The following PPIL6 variants were observed in gnomAD, a reference collection of about 807,000 sequenced individuals.
PPIL6 encodes the protein peptidylprolyl isomerase like 6.
PPIL6 carries 39 observed loss-of-function variants against 36.8 expected under a neutral mutation model. That is an observed-to-expected ratio of 1.06 (90% confidence interval 0.82 to 1.38). The LOEUF is 1.38. Among genes scored for constraint, PPIL6 ranks in the 40% most tolerant of loss-of-function variants. The pLI is 0.00. For missense variants in PPIL6, 368 were observed against 379.1 expected (o/e 0.97, Z 0.24); for synonymous variants, 123 against 134.1 (o/e 0.92, Z 0.57).
At chr6:109,421,866 C>T (rs773127306) in intron 5 of PPIL6, among the ~76,000 whole-genome samples, 1 of 151,938 alleles carries the variant, frequency 6.6e-6, no homozygotes, top group African/African-American at 2.4e-5. Context: ...TAGTGAGACT[C>T]TGTCTCTACA....
chr6:109,405,102 A>C (rs962654033), intron 6 of PPIL6: 22 of 372,002 alleles, frequency 5.9e-5, no homozygotes, highest in Admixed American at 1.6e-4. Context: ...CATTTTATTC[A>C]AATATAGACA....
intron 6 of PPIL6, among the ~76,000 whole-genome samples, chr6:109,415,236 A>G (rs1013938843): frequency 1.3e-5 from 2 of 152,242 alleles, no homozygotes; most frequent in Non-Finnish European, 2.9e-5. Context: ...GTTTCCATAC[A>G]GTATCAATCC....
intron 6 of PPIL6, among the ~76,000 whole-genome samples, chr6:109,408,496 C>T (rs984917717): frequency 5.9e-5 from 9 of 152,034 alleles, no homozygotes; most frequent in East Asian, 1.9e-4. Flanking sequence ...TTTTTACTTA[C>T]GGTATAAACA....
chr6:109,395,836 T>C (rs1772280465), intron 7 of PPIL6, among the ~76,000 whole-genome samples: 1 of 147,474 alleles, frequency 6.8e-6, no homozygotes, highest in African/African-American at 2.5e-5. Context: ...GATCTCTTTT[T>C]TTTTTTTTTT....
intron 5 of PPIL6, 66 bp from the exon 6 acceptor site, chr6:109,419,309 A>T: frequency 8.8e-7 from 1 of 1,134,808 alleles, no homozygotes; most frequent in Non-Finnish European, 1.3e-6. Context: ...CAATAATGAC[A>T]GGGAAAAAAT....
intron 6 of PPIL6, among the ~76,000 whole-genome samples, chr6:109,411,501 G>C (rs1773009981): frequency 1.3e-5 from 2 of 152,164 alleles, no homozygotes; most frequent in African/African-American, 4.8e-5. Context: ...ACATTCAAAA[G>C]ATCTATGAAC....
chr6:109,422,012 G>A (rs1195706772), intron 5 of PPIL6, among the ~76,000 whole-genome samples: 1 of 152,158 alleles, frequency 6.6e-6, no homozygotes, highest in Non-Finnish European at 1.5e-5. Context: ...GAGCAGCTGG[G>A]ACTATAGGCG....
At chr6:109,405,350 TA>T (rs1004680874) in intron 6 of PPIL6, among the ~76,000 whole-genome samples, 3 of 152,066 alleles carry the variant, frequency 2.0e-5, no homozygotes, top group African/African-American at 4.8e-5. Flanking sequence ...CTTTCCCATT[TA>T]AAAAAAATTG....
chr6:109,423,628 A>T (rs555657608), intron 5 of PPIL6, among the ~76,000 whole-genome samples: 19 of 151,406 alleles, frequency 1.3e-4, no homozygotes, highest in African/African-American at 3.1e-4. Context: ...CACCCATTTT[A>T]TATATATATA....
intron 6 of PPIL6, among the ~76,000 whole-genome samples, chr6:109,414,477 CTTTTTTTT>C (rs146541023): frequency 2.3e-5 from 2 of 86,510 alleles, no homozygotes; most frequent in Non-Finnish European, 4.0e-5. Context: ...TGTCTTTTAG[CTTTTTTTT>C]TTTTTTTTTT....
At chr6:109,440,690 C>G (rs1476476090), upstream of PPIL6, 49 of 858,786 alleles carry the variant, frequency 5.7e-5, no homozygotes, top group Non-Finnish European at 6.1e-5. Flanking sequence ...GGCCCAGGGG[C>G]GGGTCGAGGG....
chr6:109,421,863 ACT>A (rs1178541206), intron 5 of PPIL6, among the ~76,000 whole-genome samples: 1 of 151,588 alleles, frequency 6.6e-6, no homozygotes, highest in Non-Finnish European at 1.5e-5. Context: ...ATATAGTGAG[ACT>A]CTGTCTCTAC....
At chr6:109,397,374 G>A (rs1435037612) in intron 7 of PPIL6, among the ~76,000 whole-genome samples, 2 of 152,020 alleles carry the variant, frequency 1.3e-5, no homozygotes, top group Admixed American at 6.6e-5. Context: ...CTCTGTGTTC[G>A]CTTTGGTGAA....
upstream of PPIL6, chr6:109,440,668 C>T (rs1305461127): frequency 4.6e-6 from 5 of 1,092,704 alleles, no homozygotes; most frequent in South Asian, 4.6e-5. Flanking sequence ...CTCCGCCGCT[C>T]GCAGGAGGCG....
rs751917867 is a variant in PPIL6, at chr6:109,436,116, C to T, written c.219G>A (p.Gln73=). The T allele has an allele frequency of 1.3e-6, 2 of 1,557,318 alleles. No homozygotes were observed. Among genetic ancestry groups the T allele is most frequent in the South Asian group, 2.2e-5 (2 of 89,200 alleles). The change falls in exon 2 of 8, where the codon CAG becomes CAA. Residue 73 remains glutamine, a synonymous_variant. Transcript: ENST00000521072. The part of the protein sequence containing the change: ...LQEFAWHQYL[Q]EKKRELKNET... ...AAATATCCTTTACCCTTTTTTTCTCCTGTAGATATTGATGCCATGCAAATT... is the reference window on the plus strand; with the variant it reads ...AAATATCCTTTACCCTTTTTTTCTCTTGTAGATATTGATGCCATGCAAATT...
rs1773126087 is a variant in PPIL6, at chr6:109,413,930, G to A, written c.688+5257C>T. ...AAAAATCAAAACAAATAAAATCATG[G>A]AGACGAGAGTAGAAGGATGGTTACC... On this transcript the variant is annotated intron_variant, in intron 6 of 7. Coordinates refer to ENST00000521072, the MANE Select transcript of PPIL6 (RefSeq NM_173672.5). The surrounding 1 kb of genome is among the most constrained non-coding windows in gnomAD (Gnocchi z 4.6). Among the ~76,000 whole-genome samples, 2 of 152,096 alleles carry A rather than the reference G, an allele frequency of 1.3e-5. No individual in the cohort carries two copies. Among genetic ancestry groups the A allele is most frequent in the African/African-American group, 4.8e-5 (2 of 41,410 alleles).
intron 6 of PPIL6, 97 bp from the exon 7 acceptor site, chr6:109,400,267 C>T: frequency 1.1e-6 from 1 of 936,986 alleles, no homozygotes; most frequent in Non-Finnish European, 1.5e-6. Flanking sequence ...GTAACACTCT[C>T]AATCATATTT....
chr6:109,395,825 C>A (rs1220070563), intron 7 of PPIL6, among the ~76,000 whole-genome samples: 2 of 139,090 alleles, frequency 1.4e-5, no homozygotes, highest in Non-Finnish European at 3.0e-5. Context: ...AGGATGGTCT[C>A]GATCTCTTTT....
At chr6:109,393,098 T>G (rs1772156284) in intron 7 of PPIL6, among the ~76,000 whole-genome samples, 161 bp from the exon 8 acceptor site, 1 of 152,232 alleles carries the variant, frequency 6.6e-6, no homozygotes, top group Admixed American at 6.5e-5. Context: ...ATGTGTGCAC[T>G]TTACCACACC....
Sources: allele counts gnomAD v4.1 joint callset (sites outside exome capture counted in the v4.1 genomes callset), GRCh38; gene constraint gnomAD v4.1.1; non-coding constraint Gnocchi (gnomAD v3.1); transcripts MANE v1.5; gene names NCBI Gene and HGNC (gene_info 2026-07-23, HGNC 2026-07-21).